TGFB3: variants seen among roughly 807,000 people sequenced by gnomAD.
TGFB3 encodes transforming growth factor beta-3 proprotein.
In TGFB3, 5 loss-of-function variants were observed where a neutral mutation model predicts 40.1. The observed-to-expected ratio is 0.12, with a 90% confidence interval of 0.07 to 0.26. The LOEUF (loss-of-function observed/expected upper bound fraction) is 0.26, where lower values mean the gene tolerates loss of function less well. Among genes scored for constraint, TGFB3 ranks in the 10% least tolerant of loss-of-function variants. The probability of loss-of-function intolerance (pLI) is 1.00; values close to 1 mark genes in which losing one functional copy is unlikely to be tolerated. For synonymous variants in TGFB3, 184 were observed against 205.6 expected (o/e 0.89, Z 0.90); for missense variants, 373 against 530.1 (o/e 0.70, Z 2.91).
chr14:75,964,109 CAA>C (rs1566679883), intron 4 of TGFB3, among the ~76,000 whole-genome samples: 1 of 152,172 alleles, frequency 6.6e-6, no homozygotes, highest in Non-Finnish European at 1.5e-5. Flanking sequence ...CTCCTGACCT[CAA>C]GTGATCCGCC....
intron 1 of TGFB3, among the ~76,000 whole-genome samples, chr14:75,977,337 T>C (rs2035365588): frequency 6.6e-6 from 1 of 152,138 alleles, no homozygotes; most frequent in Admixed American, 6.5e-5. Flanking sequence ...CTGTGTCCTT[T>C]CCCATCACAT....
chr14:75,960,832 C>T, intron 6 of TGFB3, 91 bp downstream of exon 6: 1 of 1,559,140 alleles, frequency 6.4e-7, no homozygotes, highest in South Asian at 1.1e-5. Flanking sequence ...ATCATTTGCT[C>T]ACTCAACATT....
At chr14:75,967,258 C>T (rs2035231238) in intron 3 of TGFB3, among the ~76,000 whole-genome samples, 1 of 152,214 alleles carries the variant, frequency 6.6e-6, no homozygotes, top group Non-Finnish European at 1.5e-5. Flanking sequence ...TCTGCTCTAC[C>T]CTAAGTCAGG....
chr14:75,961,021 G>A lies in TGFB3; in HGVS notation c.982C>T (p.Leu328=), dbSNP rs773574487. The change falls in exon 6 of 7, where the codon CTG becomes TTG. Residue 328 remains leucine (L), a synonymous_variant. Coordinates refer to ENST00000238682, the MANE Select transcript of TGFB3 (RefSeq NM_003239.5). ...GGTTCATGGACCCACTTCCAGCCCA[G>A]ATCCTGTCGGAAGTCAATGTAGAGG... The part of the protein sequence containing the change: ...RPLYIDFRQD[L]GWKWVHEPKG... 1 of 1,614,252 alleles carries A rather than the reference G, an allele frequency of 6.2e-7. No individual in the cohort carries two copies. Among genetic ancestry groups the A allele is most frequent in the Non-Finnish European group, 8.5e-7 (1 of 1,180,044 alleles).
intron 3 of TGFB3, among the ~76,000 whole-genome samples, chr14:75,969,807 T>C (rs930195573): frequency 6.6e-6 from 1 of 152,200 alleles, no homozygotes; most frequent in Non-Finnish European, 1.5e-5. Flanking sequence ...TTAGAAGTTA[T>C]CTGGAATGCT....
rs1407812130 is a variant in TGFB3 at position 75,959,132 on chromosome 14, C to T, written c.*55G>A. The T allele has an allele frequency of 1.1e-5, 17 of 1,610,198 alleles. No homozygotes were observed. The highest frequency in any genetic ancestry group is 6.7e-5 in the Admixed American group (4 of 59,970). ...TGTTGCTTGTGTGTTTCCCGAGGAG[C>T]GGGCAGTCAGGCAGTGGTGGTTCTC... On this transcript the variant is annotated 3_prime_UTR_variant, in exon 7 of 7. Transcript: ENST00000238682.
chr14:75,978,529 A>G lies in TGFB3; in HGVS notation c.352+2013T>C, dbSNP rs928929200. Among the ~76,000 whole-genome samples, 2 of 152,186 alleles carry G rather than the reference A, an allele frequency of 1.3e-5. No homozygotes were observed. Among genetic ancestry groups the G allele is most frequent in the African/African-American group, 4.8e-5 (2 of 41,440 alleles). On this transcript the variant is annotated intron_variant, in intron 1 of 6. Transcript: ENST00000238682. The surrounding 1 kb of genome is among the most constrained non-coding windows in gnomAD (Gnocchi z 5.0). ...GGTTTGTACCTGTGAGCCTCATAGCATCGCACGTTGGCTCCTCCCCAGCAT... is the reference window on the plus strand; with the variant it reads ...GGTTTGTACCTGTGAGCCTCATAGCGTCGCACGTTGGCTCCTCCCCAGCAT...
chr14:75,981,663 C>T lies in TGFB3; in HGVS notation c.-770G>A, dbSNP rs955139345. 1.3e-5 allele frequency: 2 copies of T among 152,864 alleles called. No individual in the cohort carries two copies. Among genetic ancestry groups the T allele is most frequent in the Admixed American group, 6.5e-5 (1 of 15,316 alleles). The allele number at this position is 152,864 out of a possible 1,614,324, so 9.5% of individuals were successfully genotyped here. A position where few individuals can be genotyped will look rare whatever the true frequency, so the allele number is the denominator to read the frequency against. On this transcript the variant is annotated 5_prime_UTR_variant, in exon 1 of 7. Transcript: ENST00000238682. The surrounding 1 kb of genome is among the most constrained non-coding windows in gnomAD (Gnocchi z 4.7). ...CATTGGAAGGCAGGGAGGCAGGCCTCTGAGCGCAGCAGCCCCAATCATCCA... is the reference window on the plus strand; with the variant it reads ...CATTGGAAGGCAGGGAGGCAGGCCTTTGAGCGCAGCAGCCCCAATCATCCA...
At chr14:75,977,702 G>A (rs2035371365) in intron 1 of TGFB3, among the ~76,000 whole-genome samples, 1 of 149,490 alleles carries the variant, frequency 6.7e-6, no homozygotes, top group African/African-American at 2.5e-5. Context: ...AACAAATCCA[G>A]TTATCATTGT....
chr14:75,971,817 C>G lies in TGFB3; in HGVS notation c.353-99G>C, dbSNP rs1413464103. ...CACCAAGTGGCCACCGTCCCGCCTG[C>G]CACCTCCCTAGAGGCTTGAGGCCTC... On this transcript the variant is annotated intron_variant, in intron 1 of 6. Coordinates refer to ENST00000238682, the MANE Select transcript of TGFB3 (RefSeq NM_003239.5). The surrounding 1 kb of genome is among the most constrained non-coding windows in gnomAD (Gnocchi z 4.5). 7.2e-7 allele frequency: 1 copy of G among 1,392,440 alleles called. No homozygotes were observed. Among genetic ancestry groups the G allele is most frequent in the Non-Finnish European group, 1.0e-6 (1 of 999,624 alleles). The allele number at this position is 1,392,440 out of a possible 1,614,324, so 86.3% of individuals were successfully genotyped here. A position where few individuals can be genotyped will look rare whatever the true frequency, so the allele number is the denominator to read the frequency against.
At position 75,958,436 on chromosome 14, in the gene TGFB3, A is replaced by G. The variant is rs1364057630; in HGVS notation, c.*751T>C. On this transcript the variant is annotated 3_prime_UTR_variant, in exon 7 of 7. Coordinates refer to ENST00000238682, the MANE Select transcript of TGFB3 (RefSeq NM_003239.5). ...CTGGAAGGCGTCTAACCAAGTGTCC[A>G]AGGGGAAATATGATCGAGGGAGAGG... is the stretch of plus-strand genomic sequence containing the variant. 1 of 153,426 alleles carries G rather than the reference A, an allele frequency of 6.5e-6. No homozygotes were observed. Among genetic ancestry groups the G allele is most frequent in the East Asian group, 1.9e-4 (1 of 5,170 alleles). The allele number at this position is 153,426 out of a possible 1,614,324, so 9.5% of individuals were successfully genotyped here. A position where few individuals can be genotyped will look rare whatever the true frequency, so the allele number is the denominator to read the frequency against.
At position 75,958,413 on chromosome 14, in the gene TGFB3, G is replaced by A. The variant is rs2035112316; in HGVS notation, c.*774C>T. 6.5e-6 allele frequency: 1 copy of A among 153,054 alleles called. No individual in the cohort carries two copies. Among genetic ancestry groups the A allele is most frequent in the Non-Finnish European group, 1.5e-5 (1 of 68,426 alleles). The allele number at this position is 153,054 out of a possible 1,614,324, so 9.5% of individuals were successfully genotyped here. A position where few individuals can be genotyped will look rare whatever the true frequency, so the allele number is the denominator to read the frequency against. Reference sequence around the variant, plus strand: ...AATCCAGAAATGTGCATCCTGACCTGGAAGGCGTCTAACCAAGTGTCCAAG... The same window carrying A: ...AATCCAGAAATGTGCATCCTGACCTAGAAGGCGTCTAACCAAGTGTCCAAG... On this transcript the variant is annotated 3_prime_UTR_variant, in exon 7 of 7. Coordinates refer to ENST00000238682, the MANE Select transcript of TGFB3 (RefSeq NM_003239.5).
Position 75,959,100 on chromosome 14 carries a change from T to G in TGFB3, c.*87A>C, listed in dbSNP as rs2140234430. On this transcript the variant is annotated 3_prime_UTR_variant, in exon 7 of 7. Transcript: ENST00000238682. Reference sequence around the variant, plus strand: ...AGGTTGTGGGCTCCAGGCCTCTCAGTGAGGTTTGTTGCTTGTGTGTTTCCC... The same window carrying G: ...AGGTTGTGGGCTCCAGGCCTCTCAGGGAGGTTTGTTGCTTGTGTGTTTCCC... The G allele has an allele frequency of 7.4e-4, 1,158 of 1,555,048 alleles. No homozygotes were observed. Among genetic ancestry groups the G allele is most frequent in the Non-Finnish European group, 9.4e-4 (1,064 of 1,127,984 alleles).
chr14:75,973,830 T>C (rs1012564964), intron 1 of TGFB3, among the ~76,000 whole-genome samples: 1 of 152,186 alleles, frequency 6.6e-6, no homozygotes, highest in African/African-American at 2.4e-5. Flanking sequence ...CAGTGCAACA[T>C]GCACCTTGCT....
upstream of TGFB3, among the ~76,000 whole-genome samples, chr14:75,982,576 ATGG>A (rs1432313468): frequency 2.0e-5 from 3 of 150,886 alleles, no homozygotes; most frequent in Admixed American, 6.6e-5. This position sits in a 1 kb window ranked among gnomAD's most constrained non-coding sequence, Gnocchi z 4.0. Context: ...GCAGTGAAAA[ATGG>A]TGGCGTTTTC....
chr14:75,963,899 CAG>C lies in TGFB3; in HGVS notation c.755-414_755-413del, dbSNP rs2035190530. Among the ~76,000 whole-genome samples, 4 of 149,574 alleles carry C rather than the reference CAG, an allele frequency of 2.7e-5. No individual in the cohort carries two copies. In the South Asian group the frequency reaches 8.4e-4, roughly 31 times the overall value. On this transcript the variant is annotated intron_variant, in intron 4 of 6. Coordinates refer to ENST00000238682, the MANE Select transcript of TGFB3 (RefSeq NM_003239.5). ...ATTTGTTTGTTTGTTTGTTTTGAGA[CAG>C]AGTCTCGCTCTGTTGGCCAGGCTGG...
Position 75,980,211 on chromosome 14 carries a change from C to G in TGFB3, c.352+331G>C, listed in dbSNP as rs111897020. Among the ~76,000 whole-genome samples the G allele has an allele frequency of 1.3e-5, 2 of 152,204 alleles. No individual in the cohort carries two copies. Among genetic ancestry groups the G allele is most frequent in the Admixed American group, 1.3e-4 (2 of 15,286 alleles). The stretch of plus-strand genomic sequence containing the variant: ...ACCCAGATGCTTACAGTTACTGATA[C>G]GATCGCATGTGCAAGAATACATATG... On this transcript the variant is annotated intron_variant, in intron 1 of 6. Coordinates refer to ENST00000238682, the MANE Select transcript of TGFB3 (RefSeq NM_003239.5). The surrounding 1 kb of genome is among the most constrained non-coding windows in gnomAD (Gnocchi z 4.3).
intron 1 of TGFB3, among the ~76,000 whole-genome samples, chr14:75,974,764 CAAAAAAA>C (rs763057157): frequency 9.0e-6 from 1 of 110,832 alleles, no homozygotes; most frequent in Non-Finnish European, 1.8e-5. Flanking sequence ...GACTCCATCT[CAAAAAAA>C]AAAAAAAAAA....
intron 4 of TGFB3, among the ~76,000 whole-genome samples, chr14:75,965,359 C>A (rs2035208633): frequency 6.6e-6 from 1 of 152,228 alleles, no homozygotes; most frequent in Non-Finnish European, 1.5e-5. Flanking sequence ...TCACCACTTA[C>A]CAGTACGTGT....
Sources: gnomAD v4.1 joint callset for allele counts (sites outside exome capture counted in the v4.1 genomes callset) on GRCh38, gnomAD v4.1.1 for gene constraint, Gnocchi (gnomAD v3.1) non-coding constraint, MANE v1.5 for transcripts, NCBI Gene and HGNC (gene_info 2026-07-23, HGNC 2026-07-21) for gene names.